Variants in LINGO1 observed in about 807,000 individuals in gnomAD.
LINGO1 encodes the protein leucine-rich repeat and immunoglobulin-like domain-containing nogo receptor-interacting protein 1.
Under a neutral mutation model 37.3 loss-of-function variants are expected in LINGO1, and 11 were observed. The observed-to-expected ratio is 0.29, with a 90% CI of 0.19 to 0.49. LINGO1 has a LOEUF of 0.49. LINGO1 is among the 20% of genes least tolerant of loss of function. The pLI, the probability that LINGO1 is intolerant of heterozygous loss-of-function variation, is 0.99. For synonymous variants in LINGO1, 387 were observed against 403.0 expected, an observed-to-expected ratio of 0.96 and a Z score of 0.48; for missense variants, 585 against 878.2, an observed-to-expected ratio of 0.67 and a Z score of 4.22.
intron 1 of LINGO1, among the ~76,000 whole-genome samples, chr15:77,758,755 G>A (rs4617826): frequency 0.22 from 34,019 of 151,934 alleles, 6,969 homozygotes; most frequent in African/African-American, 0.55. Flanking sequence ...GGGTTTTGGG[G>A]GGATCAGATG....
intron 3 of LINGO1, among the ~76,000 whole-genome samples, chr15:77,671,331 T>C (rs944874746): frequency 6.9e-6 from 1 of 144,938 alleles, no homozygotes; most frequent in African/African-American, 2.6e-5. Flanking sequence ...AGGAGAGGGA[T>C]AGGGAGGAGA....
chr15:77,734,558 T>A (rs1263710163), intron 2 of LINGO1, among the ~76,000 whole-genome samples: 1 of 150,494 alleles, frequency 6.6e-6, no homozygotes, highest in Non-Finnish European at 1.5e-5. Context: ...GAGCACACCC[T>A]GCCCCAACAG....
chr15:77,739,130 G>A (rs1017572465), intron 1 of LINGO1, among the ~76,000 whole-genome samples: 2 of 152,246 alleles, frequency 1.3e-5, no homozygotes, highest in Non-Finnish European at 2.9e-5. Context: ...GGGGGCGGCC[G>A]GCAGCTGAAC....
chr15:77,621,489 G>A (rs1371851655), intron 1 of LINGO1, among the ~76,000 whole-genome samples: 1 of 152,170 alleles, frequency 6.6e-6, no homozygotes, highest in Non-Finnish European at 1.5e-5. Flanking sequence ...CCAGAGGGGG[G>A]CAGAGCTCTG....
chr15:77,645,018 C>G (rs935360407), intron 3 of LINGO1, among the ~76,000 whole-genome samples: 1 of 152,196 alleles, frequency 6.6e-6, no homozygotes, highest in Non-Finnish European at 1.5e-5. Context: ...TTCACACCAC[C>G]TGCTGGGGCG....
At position 77,620,273 on chromosome 15, in the gene LINGO1, C is replaced by G. The variant is rs546340767; in HGVS notation, c.7-4373G>C. Among the ~76,000 whole-genome samples the G allele has an allele frequency of 2.0e-5, 3 of 149,772 alleles. No homozygotes were observed. The South Asian group carries it at 6.2e-4, about 31-fold the overall frequency. The stretch of plus-strand genomic sequence containing the variant: ...AATAAATACTAAGGAAATAAAACAT[C>G]AAAGACAGGCAGGTGGGCAGGCAGC... On this transcript the variant is annotated intron_variant, in intron 1 of 1. Coordinates refer to ENST00000355300, the MANE Select transcript of LINGO1 (RefSeq NM_032808.7).
chr15:77,696,722 C>T (rs75010012), upstream of LINGO1, among the ~76,000 whole-genome samples: 3,410 of 152,340 alleles, frequency 0.022, 114 homozygotes, highest in African/African-American at 0.076. Flanking sequence ...CCGGGCCCTC[C>T]GTTTCCAGTG....
At chr15:77,798,484 C>G (rs568193587) in intron 1 of LINGO1, among the ~76,000 whole-genome samples, 2 of 152,252 alleles carry the variant, frequency 1.3e-5, no homozygotes, top group Admixed American at 6.5e-5. Flanking sequence ...CCCTTCCCCC[C>G]AAACCTTCCA....
rs1205047230 is a variant in LINGO1, at chr15:77,670,770, C to T, written c.-13+6319G>A. Among the ~76,000 whole-genome samples the T allele has an allele frequency of 2.6e-5, 4 of 152,360 alleles. No individual in the cohort carries two copies. The East Asian group carries it at 5.8e-4, about 22-fold the overall frequency. Reference sequence around the variant, plus strand: ...CAGCAGGACCCAGGGCGGCCAGGGGCCAGCTGCTGCTGGGCAGGGAAGATG... The same window carrying T: ...CAGCAGGACCCAGGGCGGCCAGGGGTCAGCTGCTGCTGGGCAGGGAAGATG... On this transcript the variant is annotated intron_variant, in intron 3 of 3. Transcript: ENST00000559893.
intron 1 of LINGO1, among the ~76,000 whole-genome samples, chr15:77,627,241 C>T (rs1371435876): frequency 6.6e-6 from 1 of 152,102 alleles, no homozygotes; most frequent in East Asian, 1.9e-4. Flanking sequence ...ATTATTCCGC[C>T]AGCCCCGGTG....
intron 1 of LINGO1, among the ~76,000 whole-genome samples, chr15:77,621,658 G>A (rs1447766578): frequency 2.0e-5 from 3 of 152,186 alleles, no homozygotes; most frequent in African/African-American, 4.8e-5. Context: ...GCTACACCCA[G>A]GCATCTGCCC....
intron 1 of LINGO1, among the ~76,000 whole-genome samples, chr15:77,801,134 C>A (rs1349571612): frequency 1.3e-5 from 2 of 152,226 alleles, no homozygotes; most frequent in Non-Finnish European, 2.9e-5. Flanking sequence ...AACCCAAACA[C>A]TCTACAACCT....
intron 1 of LINGO1, among the ~76,000 whole-genome samples, chr15:77,771,536 C>G (rs1200335205): frequency 6.6e-6 from 1 of 152,174 alleles, no homozygotes; most frequent in African/African-American, 2.4e-5. Flanking sequence ...AATCCCCAGC[C>G]CTAGGATTCT....
chr15:77,656,350 C>T (rs1030791909), intron 3 of LINGO1, among the ~76,000 whole-genome samples: 1 of 152,184 alleles, frequency 6.6e-6, no homozygotes, highest in Non-Finnish European at 1.5e-5. Context: ...TCTTTTTCCA[C>T]CCCCTTCCTC....
chr15:77,653,275 G>C (rs569565931), intron 3 of LINGO1, among the ~76,000 whole-genome samples: 2 of 152,162 alleles, frequency 1.3e-5, no homozygotes, highest in African/African-American at 2.4e-5. Flanking sequence ...CACTGTCCTT[G>C]CCTGCTGTTC....
intron 1 of LINGO1, among the ~76,000 whole-genome samples, chr15:77,799,547 C>G (rs963323708): frequency 1.3e-5 from 2 of 152,200 alleles, no homozygotes; most frequent in African/African-American, 4.8e-5. Flanking sequence ...CCAGAAGTAA[C>G]TCAAAGAATG....
chr15:77,619,971 C>T (rs2142514527), intron 1 of LINGO1, among the ~76,000 whole-genome samples: 1 of 152,234 alleles, frequency 6.6e-6, no homozygotes, highest in East Asian at 1.9e-4. Flanking sequence ...CCCAAGCTGG[C>T]ACAGCAAGGG....
At chr15:77,728,267 C>T (rs117661125) in intron 2 of LINGO1, among the ~76,000 whole-genome samples, 5,928 of 152,356 alleles carry the variant, frequency 0.039, 170 homozygotes, top group Non-Finnish European at 0.058. Context: ...GCTCACCCTG[C>T]GAAGAGCCCA....
chr15:77,712,759 T>G (rs1270360436), intron 2 of LINGO1, among the ~76,000 whole-genome samples: 5 of 152,172 alleles, frequency 3.3e-5, no homozygotes, highest in Non-Finnish European at 5.9e-5. Context: ...CCTCTGCCCC[T>G]GCACATTCTA....
Sources: allele counts gnomAD v4.1 joint callset (sites outside exome capture counted in the v4.1 genomes callset), GRCh38; gene constraint gnomAD v4.1.1; transcripts MANE v1.5; gene names NCBI Gene and HGNC (gene_info 2026-07-23, HGNC 2026-07-21).